Variants in FANCI observed in about 807,000 individuals in gnomAD.
FANCI encodes FA complementation group I, also known as Fanconi anemia group I protein.
In FANCI, 156 loss-of-function variants were observed where a neutral mutation model predicts 176.1. The ratio of observed to expected loss-of-function variants is 0.89; its 90% CI spans 0.78 to 1.01. The LOEUF is 1.01. Ranked by LOEUF, FANCI falls within the 50% of genes least tolerant of loss-of-function variation. FANCI has a pLI of 0.00. For synonymous variants in FANCI, 613 were observed against 541.7 expected (o/e 1.13, Z -1.83); for missense variants, 1,678 against 1,534.1 (o/e 1.09, Z -1.57).
chr15:89,296,267 A>AT (rs57019106), intron 24 of FANCI, among the ~76,000 whole-genome samples: 5 of 148,944 alleles, frequency 3.4e-5, no homozygotes, highest in Non-Finnish European at 6.0e-5. Flanking sequence ...CCTGGCCCTT[A>AT]TTTTTTTTTT....
chr15:89,268,075 A>G (rs1266368185), intron 9 of FANCI, among the ~76,000 whole-genome samples: 5 of 152,156 alleles, frequency 3.3e-5, no homozygotes, highest in Non-Finnish European at 7.4e-5. Context: ...CTTGTCTCTC[A>G]CTCAAAAACC....
At chr15:89,259,366 C>T (rs2151230053) in intron 3 of FANCI, 1 of 154,498 alleles carries the variant, frequency 6.5e-6, no homozygotes, top group African/African-American at 2.4e-5. Flanking sequence ...TAAATTAGAT[C>T]TCTGCTGCAA....
intron 24 of FANCI, among the ~76,000 whole-genome samples, chr15:89,297,120 C>T (rs1344999516): frequency 4.0e-5 from 6 of 148,412 alleles, no homozygotes; most frequent in East Asian, 4.1e-4. Context: ...ACTTCTCAGA[C>T]GGGGCGGCTG....
At chr15:89,278,362 A>G (rs531289551) in intron 13 of FANCI, among the ~76,000 whole-genome samples, 1 of 152,350 alleles carries the variant, frequency 6.6e-6, no homozygotes, top group South Asian at 2.1e-4. Context: ...AGTTATGTAT[A>G]CTGTCAGGAA....
At chr15:89,254,320 T>G (rs982982875) in intron 2 of FANCI, among the ~76,000 whole-genome samples, 3 of 152,038 alleles carry the variant, frequency 2.0e-5, no homozygotes, top group African/African-American at 7.3e-5. Flanking sequence ...GAGAAACGGA[T>G]AAGTTTATGC....
chr15:89,263,418 G>C lies in FANCI; in HGVS notation c.504-1G>C. The C allele has an allele frequency of 6.2e-7, 1 of 1,612,182 alleles. No individual in the cohort carries two copies. Among genetic ancestry groups the C allele is most frequent in the Non-Finnish European group, 8.5e-7 (1 of 1,178,540 alleles). On this transcript the variant is annotated splice_acceptor_variant, in intron 6 of 37. Transcript: ENST00000310775. LOFTEE classifies it high-confidence loss of function. ...TAAACTTTGTCATTTTCTTCTACCA[G>C]GTGGGATCAGCAATATGTAATCCAA...
At chr15:89,250,626 A>G (rs1020052567) in intron 2 of FANCI, among the ~76,000 whole-genome samples, 2 of 151,800 alleles carry the variant, frequency 1.3e-5, no homozygotes. Flanking sequence ...GCACACCAAC[A>G]TGGCACATGT....
intron 4 of FANCI, among the ~76,000 whole-genome samples, chr15:89,261,176 C>T (rs1176177967): frequency 6.6e-6 from 1 of 152,180 alleles, no homozygotes; most frequent in South Asian, 2.1e-4. Context: ...GAGGCTGAGG[C>T]AGGAAGATCG....
At chr15:89,315,494 G>A in intron 37 of FANCI, 105 bp downstream of exon 37, 1 of 775,980 alleles carries the variant, frequency 1.3e-6, no homozygotes, top group Non-Finnish European at 2.3e-6. Context: ...ATGGGAAAGG[G>A]CTAAAAGGTG....
At position 89,300,401 on chromosome 15, in the gene FANCI, A is replaced by G. The variant is rs183235896; in HGVS notation, c.2889+16A>G. ...GCAATTTCAGGTGAGAAGCCTTGCA[A>G]AGCTGCTGTACTGGCCTGAGAGGCT... On this transcript the variant is annotated intron_variant, in intron 26 of 37. Transcript: ENST00000310775. The G allele has an allele frequency of 1.2e-6, 2 of 1,610,454 alleles. No homozygotes were observed. Among genetic ancestry groups the G allele is most frequent in the East Asian group, 4.5e-5 (2 of 44,844 alleles).
At chr15:89,304,024 G>A in intron 28 of FANCI, 109 bp downstream of exon 28, 1 of 1,064,262 alleles carries the variant, frequency 9.4e-7, no homozygotes, top group Admixed American at 1.9e-5. Flanking sequence ...CACCAGAGTG[G>A]CCAAAATGAA....
intron 3 of FANCI, among the ~76,000 whole-genome samples, chr15:89,260,368 T>C (rs770844476): frequency 6.6e-6 from 1 of 152,212 alleles, no homozygotes; most frequent in East Asian, 1.9e-4. Context: ...GCTTGCTAAA[T>C]GTTTTGATTT....
Position 89,305,328 on chromosome 15 carries a change from T to G in FANCI, c.3187-13T>G. On this transcript the variant is annotated splice_polypyrimidine_tract_variant and intron_variant, in intron 29 of 37. Transcript: ENST00000310775. ...TTACTGTCATTAGGTCTCACCTCTC[T>G]TCTTTTCCCCAGGATGTAGAGGTGG... is the stretch of plus-strand genomic sequence containing the variant. 1 of 1,614,238 alleles carries G rather than the reference T, an allele frequency of 6.2e-7. No individual in the cohort carries two copies. Among genetic ancestry groups the G allele is most frequent in the Admixed American group, 1.7e-5 (1 of 60,024 alleles).
At chr15:89,264,497 C>A (rs977804229) in intron 8 of FANCI, 25 bp from the exon 9 acceptor site, 2 of 1,600,806 alleles carry the variant, frequency 1.2e-6, no homozygotes, top group Admixed American at 3.3e-5. Flanking sequence ...ATTGGGAGAC[C>A]TTACCAATTT....
intron 13 of FANCI, 62 bp from the exon 14 acceptor site, chr15:89,278,625 A>G (rs1021744143): frequency 5.7e-6 from 7 of 1,229,324 alleles, no homozygotes; most frequent in African/African-American, 4.5e-5. Flanking sequence ...CCTGACATGC[A>G]TTGATATACT....
At chr15:89,282,715 A>G (rs1049096095) in intron 16 of FANCI, 8 of 240,388 alleles carry the variant, frequency 3.3e-5, no homozygotes, top group Non-Finnish European at 5.0e-5. Context: ...CAAGTGTGAC[A>G]TTTTCTGGAT....
chr15:89,258,479 TATAAAC>T (rs919878065), intron 2 of FANCI, among the ~76,000 whole-genome samples: 4 of 152,208 alleles, frequency 2.6e-5, no homozygotes, highest in Non-Finnish European at 5.9e-5. Flanking sequence ...AGTGCTAAGT[TATAAAC>T]ATAAATGTTT....
chr15:89,282,895 G>A (rs2053669414), intron 16 of FANCI: 1 of 503,660 alleles, frequency 2.0e-6, no homozygotes, highest in African/African-American at 1.9e-5. Context: ...CTTGAGAGCA[G>A]GATAGAAGGA....
intron 28 of FANCI, among the ~76,000 whole-genome samples, chr15:89,304,251 A>G (rs891322185): frequency 1.2e-4 from 18 of 152,242 alleles, no homozygotes; most frequent in African/African-American, 4.1e-4. Context: ...TAGGTAAAAC[A>G]AACCTAAGTG....
Sources: allele counts gnomAD v4.1 joint callset (sites outside exome capture counted in the v4.1 genomes callset), GRCh38; gene constraint gnomAD v4.1.1; transcripts MANE v1.5; gene names NCBI Gene and HGNC (gene_info 2026-07-23, HGNC 2026-07-21).